The following CDH8 variants were observed in gnomAD, a reference collection of about 807,000 sequenced individuals.
The protein encoded by CDH8 is cadherin 8.
A neutral mutation model predicts 68.1 loss-of-function variants in CDH8; 17 were observed. The observed-to-expected ratio is 0.25, with a 90% confidence interval of 0.17 to 0.37. The LOEUF is 0.37. Among genes scored for constraint, CDH8 ranks in the 10% least tolerant of loss-of-function variants. The probability of loss-of-function intolerance (pLI) is 1.00; values close to 1 mark genes in which losing one functional copy is unlikely to be tolerated. For synonymous variants in CDH8, 372 were observed against 365.1 expected (o/e 1.02, Z -0.21); for missense variants, 763 against 999.3 (o/e 0.76, Z 3.19).
At chr16:61,973,142 C>A (rs956963879) in intron 2 of CDH8, among the ~76,000 whole-genome samples, 2 of 152,136 alleles carry the variant, frequency 1.3e-5, no homozygotes, top group Non-Finnish European at 2.9e-5. Flanking sequence ...TCTGCCTCCC[C>A]TTCTACCTCT....
Position 61,650,095 on chromosome 16 carries a change from T to C in CDH8, c.*3513A>G, listed in dbSNP as rs948734089. 1.3e-5 allele frequency: 2 copies of C among 152,150 alleles called. No homozygotes were observed. The highest frequency in any genetic ancestry group is 4.8e-5 in the African/African-American group (2 of 41,448). The allele number at this position is 152,150 out of a possible 1,614,324, so 9.4% of individuals were successfully genotyped here. A position where few individuals can be genotyped will look rare whatever the true frequency, so the allele number is the denominator to read the frequency against. On this transcript the variant is annotated 3_prime_UTR_variant, in exon 12 of 12. Coordinates refer to ENST00000577390, the MANE Select transcript of CDH8 (RefSeq NM_001796.5). ...AAGTTTACACCCTAGAAGTCATAAT[T>C]CTGTGTGGCAAGGTTAACACTTGAA...
chr16:61,716,028 T>C (rs1442840748), intron 9 of CDH8, among the ~76,000 whole-genome samples: 1 of 151,650 alleles, frequency 6.6e-6, no homozygotes, highest in Non-Finnish European at 1.5e-5. Context: ...CAGACTTCTC[T>C]CTATAGGACT....
At chr16:62,027,897 C>T (rs907628818) in intron 1 of CDH8, among the ~76,000 whole-genome samples, 5 of 152,002 alleles carry the variant, frequency 3.3e-5, no homozygotes, top group Admixed American at 6.6e-5. Flanking sequence ...ACACACACAC[C>T]CACACACATA....
At chr16:61,780,432 A>G (rs1359034255) in intron 8 of CDH8, among the ~76,000 whole-genome samples, 2 of 152,242 alleles carry the variant, frequency 1.3e-5, no homozygotes, top group African/African-American at 4.8e-5. Flanking sequence ...ACAAGAGGAT[A>G]AAGAATGACA....
chr16:61,762,386 C>A (rs1177225964), intron 8 of CDH8, among the ~76,000 whole-genome samples: 1 of 152,158 alleles, frequency 6.6e-6, no homozygotes, highest in African/African-American at 2.4e-5. Flanking sequence ...CTTAAAACTG[C>A]ATGCAAACAT....
At chr16:61,668,098 T>G (rs899927290) in intron 10 of CDH8, among the ~76,000 whole-genome samples, 1 of 152,034 alleles carries the variant, frequency 6.6e-6, no homozygotes, top group Non-Finnish European at 1.5e-5. Flanking sequence ...GACAAGAGTA[T>G]AGTATTTGAT....
At chr16:61,994,158 T>C (rs984209308) in intron 2 of CDH8, among the ~76,000 whole-genome samples, 50 of 152,222 alleles carry the variant, frequency 3.3e-4, no homozygotes, top group African/African-American at 1.2e-3. Flanking sequence ...TTTGCCATTT[T>C]TAAATTGCAT....
intron 8 of CDH8, among the ~76,000 whole-genome samples, chr16:61,758,775 G>A (rs573037644): frequency 2.6e-5 from 4 of 152,104 alleles, no homozygotes; most frequent in African/African-American, 9.7e-5. Flanking sequence ...AAGAGTCTCA[G>A]TTCATAGATC....
intron 2 of CDH8, chr16:61,934,019 T>G (rs1392506151): frequency 2.6e-5 from 4 of 152,172 alleles, no homozygotes; most frequent in African/African-American, 9.7e-5. Flanking sequence ...ACGGGATCAA[T>G]AGCAGGAATG....
chr16:61,883,958 G>GT (rs5817321), intron 3 of CDH8, among the ~76,000 whole-genome samples: 78,087 of 150,904 alleles, frequency 0.52, 21,755 homozygotes, highest in African/African-American at 0.74. Flanking sequence ...ACAGTAGAAG[G>GT]TTTTTTTTTA....
intron 3 of CDH8, among the ~76,000 whole-genome samples, chr16:61,861,551 C>T (rs1963150016): frequency 6.6e-6 from 1 of 152,174 alleles, no homozygotes; most frequent in Non-Finnish European, 1.5e-5. Context: ...TGTGATTCAG[C>T]TTTTCATATG....
At chr16:61,804,502 AC>A (rs1567478624) in intron 7 of CDH8, among the ~76,000 whole-genome samples, 1 of 150,614 alleles carries the variant, frequency 6.6e-6, no homozygotes, top group Non-Finnish European at 1.5e-5. Flanking sequence ...GACACAAAAA[AC>A]CCTTCAAAAA....
chr16:61,676,735 G>C (rs764770425), intron 10 of CDH8, among the ~76,000 whole-genome samples: 1 of 151,988 alleles, frequency 6.6e-6, no homozygotes, highest in South Asian at 2.1e-4. Flanking sequence ...TTAACATACA[G>C]CTTAGAAAGA....
chr16:61,819,673 T>C (rs935731318), intron 6 of CDH8, among the ~76,000 whole-genome samples: 6 of 152,090 alleles, frequency 3.9e-5, no homozygotes, highest in Admixed American at 3.3e-4. Context: ...TCTCCAGTGT[T>C]AAGATCTCTT....
chr16:61,789,253 C>A, intron 8 of CDH8, 93 bp downstream of exon 8: 1 of 1,152,924 alleles, frequency 8.7e-7, no homozygotes, highest in Non-Finnish European at 1.2e-6. Flanking sequence ...TGTCAAGGTA[C>A]CTAACAGAAA....
chr16:61,965,459 A>G (rs1965231123), intron 2 of CDH8, among the ~76,000 whole-genome samples: 1 of 152,056 alleles, frequency 6.6e-6, no homozygotes, highest in African/African-American at 2.4e-5. Context: ...TATTCCAAGG[A>G]CCCCTTTATG....
chr16:61,783,908 G>A (rs1233273516), intron 8 of CDH8, among the ~76,000 whole-genome samples: 2 of 152,128 alleles, frequency 1.3e-5, no homozygotes, highest in African/African-American at 4.8e-5. Flanking sequence ...TCACCACCAG[G>A]ACTGCCCTAT....
At chr16:61,979,910 C>T (rs954608715) in intron 2 of CDH8, among the ~76,000 whole-genome samples, 5 of 152,190 alleles carry the variant, frequency 3.3e-5, no homozygotes, top group Admixed American at 3.3e-4. Context: ...CTTGTTGAAA[C>T]TCTAGCATGG....
chr16:61,834,128 G>A (rs906396935), intron 4 of CDH8, among the ~76,000 whole-genome samples: 10 of 151,884 alleles, frequency 6.6e-5, no homozygotes, highest in Non-Finnish European at 1.3e-4. Context: ...AGAGAAAAAC[G>A]TGGTAATTGA....
Sources: gnomAD v4.1 joint callset for allele counts (sites outside exome capture counted in the v4.1 genomes callset) on GRCh38, gnomAD v4.1.1 for gene constraint, MANE v1.5 for transcripts, NCBI Gene and HGNC (gene_info 2026-07-23, HGNC 2026-07-21) for gene names.